The following ERC2 variants were observed in gnomAD, a reference collection of about 807,000 sequenced individuals.
The protein encoded by ERC2 is ERC protein 2.
In ERC2, 42 loss-of-function variants were observed where a neutral mutation model predicts 114.8. That is an observed-to-expected ratio of 0.37 (90% CI 0.29 to 0.47). The LOEUF is 0.47. ERC2 is among the 20% of genes least tolerant of loss of function. The probability of loss-of-function intolerance (pLI) is 0.99; values close to 1 mark genes in which losing one functional copy is unlikely to be tolerated. For missense variants in ERC2, 939 were observed against 1,150.7 expected (o/e 0.82, Z 2.66); for synonymous variants, 454 against 425.5 (o/e 1.07, Z -0.82).
intron 3 of ERC2, among the ~76,000 whole-genome samples, chr3:56,247,336 A>C (rs539557926): frequency 1.1e-4 from 16 of 152,366 alleles, no homozygotes; most frequent in African/African-American, 3.6e-4. Context: ...TATGTTATGA[A>C]TATGCACACC....
intron 13 of ERC2, among the ~76,000 whole-genome samples, chr3:55,895,972 A>T (rs764897688): frequency 5.9e-5 from 9 of 152,212 alleles, no homozygotes; most frequent in Non-Finnish European, 1.3e-4. Flanking sequence ...CCACCCCAGC[A>T]GCCGCCTGGA....
chr3:56,305,305 T>A (rs146458246), intron 2 of ERC2, among the ~76,000 whole-genome samples: 144 of 152,136 alleles, frequency 9.5e-4, no homozygotes, highest in Non-Finnish European at 9.1e-4. Context: ...TTATCAAGAA[T>A]ATATATAGAA....
At chr3:55,859,122 C>T (rs934498959) in intron 14 of ERC2, among the ~76,000 whole-genome samples, 7 of 152,202 alleles carry the variant, frequency 4.6e-5, no homozygotes, top group Non-Finnish European at 8.8e-5. Context: ...AGCTCTCATA[C>T]TCCATCTCTT....
At chr3:56,427,855 C>G (rs2061630296) in intron 2 of ERC2, among the ~76,000 whole-genome samples, 1 of 152,132 alleles carries the variant, frequency 6.6e-6, no homozygotes, top group African/African-American at 2.4e-5. Flanking sequence ...CACTCAGACT[C>G]CAACATATCT....
intron 2 of ERC2, among the ~76,000 whole-genome samples, chr3:56,407,100 G>T (rs2060758247): frequency 6.6e-6 from 1 of 152,140 alleles, no homozygotes; most frequent in Non-Finnish European, 1.5e-5. Flanking sequence ...CTCGTCTCAA[G>T]AGCTGGTAAA....
At chr3:56,318,685 A>T (rs2056983228) in intron 2 of ERC2, among the ~76,000 whole-genome samples, 1 of 152,024 alleles carries the variant, frequency 6.6e-6, no homozygotes, top group Non-Finnish European at 1.5e-5. Context: ...AATAGCCAAC[A>T]TGTATATGAA....
intron 14 of ERC2, among the ~76,000 whole-genome samples, chr3:55,882,815 T>A (rs888332764): frequency 6.6e-6 from 1 of 152,196 alleles, no homozygotes; most frequent in Non-Finnish European, 1.5e-5. Context: ...AAGGCTCTCC[T>A]TTTGAATCAA....
At chr3:56,194,741 A>G (rs1477828974) in intron 3 of ERC2, among the ~76,000 whole-genome samples, 1 of 152,182 alleles carries the variant, frequency 6.6e-6, no homozygotes, top group Non-Finnish European at 1.5e-5. Context: ...CTCCATTATA[A>G]TCTTATGGGA....
chr3:55,631,117 C>A (rs1305390274), intron 17 of ERC2, among the ~76,000 whole-genome samples: 1 of 151,798 alleles, frequency 6.6e-6, no homozygotes, highest in Non-Finnish European at 1.5e-5. Context: ...TAGTTCAATA[C>A]TAGGGGACAC....
chr3:55,534,978 G>A (rs1416881381), intron 17 of ERC2, among the ~76,000 whole-genome samples: 2 of 152,184 alleles, frequency 1.3e-5, no homozygotes, highest in Non-Finnish European at 2.9e-5. Context: ...AGTGGCTGAA[G>A]TCTAGCAGCT....
At chr3:55,746,592 C>T (rs1231352779) in intron 14 of ERC2, among the ~76,000 whole-genome samples, 2 of 152,150 alleles carry the variant, frequency 1.3e-5, no homozygotes, top group South Asian at 2.1e-4. Context: ...TTATTGGAGG[C>T]AGCTCCTTTG....
rs2051950551 is a variant in ERC2 at position 55,509,552 on chromosome 3, A to G, written c.*1764T>C. ...ATTGTTTATGCAACACATAAGCATT[A>G]CATAGTTTGTTATACTTACTGATGA... On this transcript the variant is annotated 3_prime_UTR_variant, in exon 18 of 18. Transcript: ENST00000288221. 1 of 152,568 alleles carries G rather than the reference A, an allele frequency of 6.6e-6. No individual in the cohort carries two copies. Among genetic ancestry groups the G allele is most frequent in the African/African-American group, 2.4e-5 (1 of 41,466 alleles). 9.5% of individuals were successfully genotyped at this position (152,568 alleles called of 1,614,324 possible). A position where few individuals can be genotyped will look rare whatever the true frequency, so the allele number is the denominator to read the frequency against.
chr3:55,922,319 A>C (rs1264211370), intron 13 of ERC2, among the ~76,000 whole-genome samples: 1 of 152,074 alleles, frequency 6.6e-6, no homozygotes, highest in Admixed American at 6.6e-5. Flanking sequence ...ATGGTGAGAT[A>C]ATCAAAGGCC....
intron 6 of ERC2, among the ~76,000 whole-genome samples, chr3:56,112,783 C>T (rs1017590972): frequency 2.6e-5 from 4 of 151,724 alleles, no homozygotes; most frequent in East Asian, 1.9e-4. Flanking sequence ...GATTTAGTGC[C>T]GAAGAGAGGA....
chr3:56,315,841 T>C (rs2056837871), intron 2 of ERC2, among the ~76,000 whole-genome samples: 1 of 151,826 alleles, frequency 6.6e-6, no homozygotes, highest in African/African-American at 2.4e-5. Flanking sequence ...AGTATCCCTG[T>C]TGGGATAGTT....
chr3:56,437,133 G>A (rs76109127), intron 1 of ERC2, among the ~76,000 whole-genome samples: 2,756 of 152,250 alleles, frequency 0.018, 36 homozygotes, highest in Middle Eastern at 0.041. Context: ...GTAAGCAGAC[G>A]CCTTAAGCAA....
At chr3:56,117,946 G>C (rs1201569819) in intron 6 of ERC2, among the ~76,000 whole-genome samples, 1 of 152,192 alleles carries the variant, frequency 6.6e-6, no homozygotes, top group Admixed American at 6.5e-5. Context: ...TGACTATTCT[G>C]AGCAGAGGAA....
chr3:55,593,174 C>T (rs2057977855), intron 17 of ERC2, among the ~76,000 whole-genome samples: 1 of 152,204 alleles, frequency 6.6e-6, no homozygotes, highest in Admixed American at 6.5e-5. Flanking sequence ...AACTACCTGT[C>T]ACACTAATGT....
At chr3:56,175,941 T>G (rs1305752663) in intron 3 of ERC2, among the ~76,000 whole-genome samples, 1 of 152,206 alleles carries the variant, frequency 6.6e-6, no homozygotes, top group Non-Finnish European at 1.5e-5. Flanking sequence ...TTTTCCAGCT[T>G]TCATAGGTCA....
Sources: gnomAD v4.1 joint callset for allele counts (sites outside exome capture counted in the v4.1 genomes callset) on GRCh38, gnomAD v4.1.1 for gene constraint, MANE v1.5 for transcripts, NCBI Gene and HGNC (gene_info 2026-07-23, HGNC 2026-07-21) for gene names.